Variants in WWOX observed in about 807,000 individuals in gnomAD.
WWOX encodes the protein WW domain containing oxidoreductase, also known as WW domain-containing oxidoreductase.
WWOX carries 69 observed loss-of-function variants against 46.2 expected under a neutral mutation model. The ratio of observed to expected loss-of-function variants is 1.49; its 90% CI spans 1.23 to 1.82. The LOEUF is 1.82. Among genes scored for constraint, WWOX ranks in the 40% most tolerant of loss-of-function variants. WWOX has a pLI of 0.00. For missense variants in WWOX, 919 were observed against 542.6 expected (o/e 1.69, Z -6.89); for synonymous variants, 359 against 202.6 (o/e 1.77, Z -6.56).
intron 8 of WWOX, among the ~76,000 whole-genome samples, chr16:78,644,542 A>T (rs543643362): frequency 6.6e-6 from 1 of 151,606 alleles, no homozygotes; most frequent in South Asian, 2.1e-4. Flanking sequence ...GCTCACTGCA[A>T]CCTCCGCCTA....
At chr16:78,921,494 C>A (rs1010474897) in intron 8 of WWOX, among the ~76,000 whole-genome samples, 3 of 152,094 alleles carry the variant, frequency 2.0e-5, no homozygotes, top group Non-Finnish European at 2.9e-5. Flanking sequence ...AAAGAGATTG[C>A]CATTTTCAAA....
chr16:78,798,182 C>G (rs897687296), intron 8 of WWOX, among the ~76,000 whole-genome samples: 1 of 152,160 alleles, frequency 6.6e-6, no homozygotes, highest in East Asian at 1.9e-4. Context: ...GCCACGGCAC[C>G]TTTGCCACAA....
chr16:78,925,666 T>G (rs894684429), intron 8 of WWOX, among the ~76,000 whole-genome samples: 7 of 152,196 alleles, frequency 4.6e-5, no homozygotes, highest in African/African-American at 1.7e-4. Flanking sequence ...AGAACCAGGT[T>G]TTTGCATGTA....
At chr16:78,717,009 C>T (rs947436306) in intron 8 of WWOX, among the ~76,000 whole-genome samples, 1 of 152,144 alleles carries the variant, frequency 6.6e-6, no homozygotes, top group African/African-American at 2.4e-5. Context: ...TAACACCTCC[C>T]ATGGTTGTCT....
intron 8 of WWOX, among the ~76,000 whole-genome samples, chr16:78,591,713 A>G (rs984914097): frequency 2.0e-5 from 3 of 152,236 alleles, no homozygotes; most frequent in African/African-American, 7.2e-5. Context: ...GACTGAGATA[A>G]CTAAAGTACC....
chr16:79,158,686 T>A (rs1318805945), intron 8 of WWOX, among the ~76,000 whole-genome samples: 1 of 152,238 alleles, frequency 6.6e-6, no homozygotes, highest in Non-Finnish European at 1.5e-5. Flanking sequence ...CACACCTGAT[T>A]GCTTTTTGTA....
intron 8 of WWOX, among the ~76,000 whole-genome samples, chr16:79,166,409 T>G (rs2050595345): frequency 6.6e-6 from 1 of 152,160 alleles, no homozygotes; most frequent in Non-Finnish European, 1.5e-5. Flanking sequence ...TGCCTCCTCT[T>G]TAGTTCATTC....
At chr16:78,610,149 A>G (rs913156229) in intron 8 of WWOX, among the ~76,000 whole-genome samples, 1 of 152,300 alleles carries the variant, frequency 6.6e-6, no homozygotes, top group East Asian at 1.9e-4. Flanking sequence ...GGTGCCTTTG[A>G]AGGGTTTTTA....
At chr16:78,776,366 C>A (rs1320434515) in intron 8 of WWOX, among the ~76,000 whole-genome samples, 1 of 151,978 alleles carries the variant, frequency 6.6e-6, no homozygotes, top group Non-Finnish European at 1.5e-5. Context: ...TGGAGTCCTG[C>A]CTCTGTGACA....
intron 8 of WWOX, among the ~76,000 whole-genome samples, chr16:78,939,647 A>T (rs190451877): frequency 7.9e-5 from 12 of 152,376 alleles, no homozygotes; most frequent in Admixed American, 2.6e-4. Flanking sequence ...CAAATATCGA[A>T]TTATTAAAAA....
chr16:78,354,749 G>T (rs908653814), intron 5 of WWOX, among the ~76,000 whole-genome samples: 55 of 151,942 alleles, frequency 3.6e-4, no homozygotes, highest in African/African-American at 1.3e-3. Context: ...GTTAAATTTT[G>T]TTTTCTATTT....
intron 8 of WWOX, among the ~76,000 whole-genome samples, chr16:78,987,630 G>C (rs1405954794): frequency 6.6e-6 from 1 of 152,136 alleles, no homozygotes; most frequent in African/African-American, 2.4e-5. Flanking sequence ...TGTTTCAAGT[G>C]GCTTTTTTGC....
chr16:78,688,285 C>A (rs1162434044), intron 8 of WWOX, among the ~76,000 whole-genome samples: 1 of 151,272 alleles, frequency 6.6e-6, no homozygotes. Context: ...TCGTCTTTAT[C>A]CTTAGATCTT....
intron 8 of WWOX, among the ~76,000 whole-genome samples, chr16:78,540,696 TA>T (rs112608692): frequency 0.038 from 5,541 of 144,896 alleles, 329 homozygotes; most frequent in African/African-American, 0.12. Flanking sequence ...GATATTTTGT[TA>T]AAAAAAAAAA....
intron 4 of WWOX, among the ~76,000 whole-genome samples, chr16:78,135,037 C>T (rs1253748706): frequency 2.6e-5 from 4 of 152,152 alleles, no homozygotes; most frequent in African/African-American, 9.7e-5. Flanking sequence ...ATTGAAAAAT[C>T]CCAGTGCCAT....
At chr16:79,041,107 G>T (rs541115643) in intron 8 of WWOX, among the ~76,000 whole-genome samples, 1 of 152,040 alleles carries the variant, frequency 6.6e-6, no homozygotes, top group African/African-American at 2.4e-5. Flanking sequence ...CATTACGTGT[G>T]TTGTCATGTA....
intron 8 of WWOX, among the ~76,000 whole-genome samples, chr16:78,827,787 G>A (rs145636583): frequency 0.014 from 2,170 of 152,326 alleles, 56 homozygotes; most frequent in African/African-American, 0.05. Context: ...GTTGCAGTGA[G>A]CCGAGATGGC....
intron 8 of WWOX, among the ~76,000 whole-genome samples, chr16:78,831,504 C>G (rs542564542): frequency 1.3e-5 from 2 of 152,160 alleles, no homozygotes; most frequent in African/African-American, 4.8e-5. Flanking sequence ...CACTGGTACC[C>G]TACGTGGGAG....
intron 8 of WWOX, among the ~76,000 whole-genome samples, chr16:78,549,734 G>A (rs936663207): frequency 5.9e-5 from 9 of 152,124 alleles, no homozygotes; most frequent in African/African-American, 1.4e-4. Context: ...CATTCTGAAC[G>A]GCTTAATCCT....
Sources: allele counts gnomAD v4.1 joint callset (sites outside exome capture counted in the v4.1 genomes callset), GRCh38; gene constraint gnomAD v4.1.1; transcripts MANE v1.5; gene names NCBI Gene and HGNC (gene_info 2026-07-23, HGNC 2026-07-21).